Variants in DZIP1 observed in about 807,000 individuals in gnomAD.
DZIP1 encodes the protein cilium assembly protein DZIP1.
A neutral mutation model predicts 107.6 loss-of-function variants in DZIP1; 97 were observed. That is an observed-to-expected ratio of 0.90 (90% CI 0.77 to 1.07). The LOEUF (loss-of-function observed/expected upper bound fraction) is 1.07. Ranked by LOEUF, DZIP1 falls within the 50% of genes least tolerant of loss-of-function variation. The pLI is 0.00. For synonymous variants in DZIP1, 390 were observed against 386.4 expected, an observed-to-expected ratio of 1.01 and a Z score of -0.11; for missense variants, 1,035 against 1,063.6, an observed-to-expected ratio of 0.97 and a Z score of 0.37.
At chr13:95,596,176 G>A (rs557907006) in intron 15 of DZIP1, among the ~76,000 whole-genome samples, 1 of 152,164 alleles carries the variant, frequency 6.6e-6, no homozygotes, top group South Asian at 2.1e-4. Flanking sequence ...ATGTAGAAGT[G>A]GAATTAATCA....
At chr13:95,640,342 G>A (rs1031649814) in intron 5 of DZIP1, among the ~76,000 whole-genome samples, 9 of 152,106 alleles carry the variant, frequency 5.9e-5, no homozygotes, top group African/African-American at 1.9e-4. Context: ...TGCTGGGTCA[G>A]TCCTGAGCAA....
At position 95,594,051 on chromosome 13, in the gene DZIP1, T is replaced by C. The variant is rs202106337; in HGVS notation, c.1573A>G (p.Met525Val). ...CTCTTCAAAGCTTTCCTTAAATGCA[T>C]TTTGTTGTTATTTAATTTCTGTTCA... ...ENEQKLNNNK[M>V]HLRKALKSNS... Residue 525 changes from methionine to valine, a missense_variant, in exon 16 of 23, where the codon ATG becomes GTG. Coordinates refer to ENST00000376829, the MANE Select transcript of DZIP1 (RefSeq NM_198968.4). The C allele has an allele frequency of 6.2e-6, 10 of 1,608,270 alleles. No homozygotes were observed. Among genetic ancestry groups the C allele is most frequent in the Admixed American group, 3.4e-5 (2 of 59,058 alleles).
Position 95,641,731 on chromosome 13 carries a change from G to C in DZIP1, c.161C>G (p.Pro54Arg), listed in dbSNP as rs1230482448. Residue 54 changes from proline to arginine, a missense_variant, in exon 5 of 23, where the codon CCC becomes CGC. Transcript: ENST00000376829. The surrounding 1 kb of genome is among the most constrained non-coding windows in gnomAD (Gnocchi z 4.3). ...ACAPPSAASG[P>R]LPFFQFRPRL... is the part of the protein sequence containing the mutation. ...CGGCCTGAACTGGAAGAAGGGCAGGGGCCCCGAAGCCGCGCTGGGGGGCGC... is the reference window on the plus strand; with the variant it reads ...CGGCCTGAACTGGAAGAAGGGCAGGCGCCCCGAAGCCGCGCTGGGGGGCGC... 16 of 1,596,288 alleles carry C rather than the reference G, an allele frequency of 1.0e-5. No homozygotes were observed. The highest frequency in any genetic ancestry group is 1.3e-5 in the African/African-American group (1 of 74,838).
chr13:95,634,260 A>G (rs1443948954), intron 5 of DZIP1, among the ~76,000 whole-genome samples: 1 of 152,226 alleles, frequency 6.6e-6, no homozygotes, highest in Non-Finnish European at 1.5e-5. Context: ...AGCATCTTCC[A>G]CGCTGAGGAT....
Position 95,610,055 on chromosome 13 carries a change from AGTGTGTGTGTGTGTGTGTGTGTGTGTGT to A in DZIP1, c.1364-570_1364-543del, listed in dbSNP as rs58398816. ...CTCTTGCCCTGGTCTTGACTGGTTT[AGTGTGTGTGTGTGTGTGTGTGTGTGTGT>A]GTGTGTGTGTGTGTGTGTGTGTGTG... On this transcript the variant is annotated intron_variant, in intron 12 of 22. Coordinates refer to ENST00000376829, the MANE Select transcript of DZIP1 (RefSeq NM_198968.4). Among the ~76,000 whole-genome samples the A allele has an allele frequency of 3.0e-3, 330 of 109,218 alleles. 9 individuals are homozygous for A. Among genetic ancestry groups the A allele is most frequent in the Middle Eastern group, 0.015 (3 of 204 alleles). 71.7% of individuals were successfully genotyped at this position (109,218 alleles called of 152,430 possible). A position where few individuals can be genotyped will look rare whatever the true frequency, so the allele number is the denominator to read the frequency against.
intron 7 of DZIP1, among the ~76,000 whole-genome samples, chr13:95,626,321 A>G (rs1277753961): frequency 6.6e-6 from 1 of 152,202 alleles, no homozygotes; most frequent in African/African-American, 2.4e-5. Context: ...AAAGATCAAC[A>G]AAACTGACAA....
At chr13:95,589,773 T>C (rs2044261523) in intron 18 of DZIP1, 30 bp downstream of exon 18, 2 of 1,603,456 alleles carry the variant, frequency 1.2e-6, no homozygotes, top group East Asian at 2.2e-5. Context: ...CAAACACTGA[T>C]AAAATAAATC....
At chr13:95,591,502 C>T (rs1008964375) in intron 16 of DZIP1, among the ~76,000 whole-genome samples, 8 of 152,166 alleles carry the variant, frequency 5.3e-5, no homozygotes, top group African/African-American at 1.9e-4. Context: ...TTGCTTCCCT[C>T]AGCCTTCCCA....
At chr13:95,612,287 C>T (rs2045037972) in intron 10 of DZIP1, 110 bp from the exon 11 acceptor site, 8 of 1,213,976 alleles carry the variant, frequency 6.6e-6, no homozygotes, top group South Asian at 3.0e-5. Flanking sequence ...TGATGCTATC[C>T]GTGCGCATCA....
At chr13:95,606,093 TCCA>T (rs2044765125) in intron 13 of DZIP1, 34 bp from the exon 14 acceptor site, 3 of 1,610,052 alleles carry the variant, frequency 1.9e-6, no homozygotes, top group African/African-American at 1.3e-5. Flanking sequence ...ACTCAGAGGT[TCCA>T]TAATTAAAGC....
Position 95,584,892 on chromosome 13 carries a change from C to T in DZIP1, c.2368G>A (p.Glu790Lys), listed in dbSNP as rs758672793. Reference sequence around the variant, plus strand: ...TCTAGGGATGATATGTCCCAGTCTTCATCCTCCACATCCGCACACTAAAAG... The same window carrying T: ...TCTAGGGATGATATGTCCCAGTCTTTATCCTCCACATCCGCACACTAAAAG... ...QELKCADVED[E>K]DWDISSLEEE... The change falls in exon 22 of 23, where the codon GAA (glutamate) becomes AAA (lysine). Residue 790 changes from glutamate (E) to lysine (K), a missense_variant. Glu to Lys is a moderately conservative substitution (Grantham distance 56, BLOSUM62 1). Transcript: ENST00000376829. 6.2e-6 allele frequency: 10 copies of T among 1,612,980 alleles called. No individual in the cohort carries two copies. The highest frequency in any genetic ancestry group is 8.5e-6 in the Non-Finnish European group (10 of 1,179,594).
rs983148101 is a variant in DZIP1 at position 95,581,593 on chromosome 13, T to A, written c.*641A>T. The A allele has an allele frequency of 2.6e-5, 4 of 152,232 alleles. No individual in the cohort carries two copies. Among genetic ancestry groups the A allele is most frequent in the African/African-American group, 9.6e-5 (4 of 41,456 alleles). The allele number at this position is 152,232 out of a possible 1,614,324, so 9.4% of individuals were successfully genotyped here. ...TATATTCTAATCCTAAACTTACTTTTTTGGGGTGTGGAGGGGTGGAGTCTT... is the reference window on the plus strand; with the variant it reads ...TATATTCTAATCCTAAACTTACTTTATTGGGGTGTGGAGGGGTGGAGTCTT... On this transcript the variant is annotated 3_prime_UTR_variant, in exon 23 of 23. Coordinates refer to ENST00000376829, the MANE Select transcript of DZIP1 (RefSeq NM_198968.4).
At chr13:95,618,322 G>A (rs1057263552) in intron 10 of DZIP1, among the ~76,000 whole-genome samples, 1 of 152,058 alleles carries the variant, frequency 6.6e-6, no homozygotes, top group East Asian at 1.9e-4. Flanking sequence ...CTCCTAAATT[G>A]AACTGCCACA....
Position 95,631,253 on chromosome 13 carries a change from C to T in DZIP1, c.686-1140G>A, listed in dbSNP as rs553398115. Among the ~76,000 whole-genome samples, 21 of 151,930 alleles carry T rather than the reference C, an allele frequency of 1.4e-4. No homozygotes were observed. In the South Asian group the frequency reaches 3.1e-3, roughly 23 times the overall value. The stretch of plus-strand genomic sequence containing the variant: ...GATGAATTACTTGAGGCCAGGAGTT[C>T]GAGACCAGCCTGGGCAACACAGCAA... On this transcript the variant is annotated intron_variant, in intron 6 of 22. Transcript: ENST00000376829.
chr13:95,628,866 AG>A (rs756799053), intron 7 of DZIP1, among the ~76,000 whole-genome samples: 1 of 152,108 alleles, frequency 6.6e-6, no homozygotes, highest in South Asian at 2.1e-4. Flanking sequence ...AGCTGGAAGG[AG>A]GGGGGAGTGG....
At chr13:95,587,984 C>T (rs966340094) in intron 19 of DZIP1, 9 of 402,910 alleles carry the variant, frequency 2.2e-5, no homozygotes, top group Non-Finnish European at 3.5e-5. Context: ...GGCCTGTCTC[C>T]TCTAAACCCA....
intron 5 of DZIP1, among the ~76,000 whole-genome samples, chr13:95,639,643 CTCTTA>C (rs1457865814): frequency 7.5e-5 from 11 of 147,334 alleles, no homozygotes; most frequent in South Asian, 2.2e-4. Context: ...AGAAAATCTT[CTCTTA>C]TAACAGCCAT....
At chr13:95,643,537 A>G (rs1878770225) in intron 2 of DZIP1, 64 bp downstream of exon 2, 1 of 152,620 alleles carries the variant, frequency 6.6e-6, no homozygotes, top group Admixed American at 6.5e-5. Context: ...TCCCTGATCT[A>G]GAACAAATTG....
rs938062059 is a variant in DZIP1, at chr13:95,599,419, C to G, written c.1483G>C (p.Ala495Pro). The change falls in exon 15 of 23, where the codon GCA (alanine) becomes CCA (proline). Residue 495 changes from alanine to proline, a missense_variant. Physicochemically the swap from Ala to Pro is conservative, Grantham distance 27. Transcript: ENST00000376829. ...GGTTCCAGTATGTGCGACGAGAATGCCTGTTCTATTAACAAGGAAAAATAA... is the reference window on the plus strand; with the variant it reads ...GGTTCCAGTATGTGCGACGAGAATGGCTGTTCTATTAACAAGGAAAAATAA... The part of the protein sequence containing the change: ...KSSLPMVHEQ[A>P]FSSHILEPIE... The G allele has an allele frequency of 1.3e-5, 21 of 1,613,052 alleles. No individual in the cohort carries two copies. The highest frequency in any genetic ancestry group is 1.8e-5 in the Non-Finnish European group (21 of 1,179,302).
Sources: allele counts gnomAD v4.1 joint callset (sites outside exome capture counted in the v4.1 genomes callset), GRCh38; gene constraint gnomAD v4.1.1; non-coding constraint Gnocchi (gnomAD v3.1); transcripts MANE v1.5; gene names NCBI Gene and HGNC (gene_info 2026-07-23, HGNC 2026-07-21).